The following RAB38 variants were observed in gnomAD, a reference collection of about 807,000 sequenced individuals.
RAB38 encodes the protein RAB38, member RAS oncogene family.
In RAB38, 15 loss-of-function variants were observed where a neutral mutation model predicts 18.4. The ratio of observed to expected loss-of-function variants is 0.82; its 90% CI spans 0.55 to 1.26. The LOEUF is 1.26. RAB38 is among the 50% of genes most tolerant of loss of function. RAB38 has a pLI of 0.00. For missense variants in RAB38, 294 were observed against 267.4 expected, an observed-to-expected ratio of 1.10 and a Z score of -0.69; for synonymous variants, 101 against 104.4, an observed-to-expected ratio of 0.97 and a Z score of 0.20.
chr11:87,874,588 T>A, the RAB38 span, among the ~76,000 whole-genome samples: 11 of 151,200 alleles, frequency 7.3e-5, no homozygotes, highest in Non-Finnish European at 1.2e-4. Flanking sequence ...ACATGGCATA[T>A]GTATACATAT....
the RAB38 span, among the ~76,000 whole-genome samples, chr11:87,930,591 T>C: frequency 6.6e-6 from 1 of 152,210 alleles, no homozygotes; most frequent in South Asian, 2.1e-4. Context: ...TTGTCAATTT[T>C]GGCTTTTGTT....
the RAB38 span, among the ~76,000 whole-genome samples, chr11:88,100,972 A>T: frequency 6.6e-6 from 1 of 151,992 alleles, no homozygotes; most frequent in African/African-American, 2.4e-5. Flanking sequence ...GAATAAAAGG[A>T]GGAAAGAGGA....
At chr11:87,936,379 C>T in the RAB38 span, among the ~76,000 whole-genome samples, 2 of 152,116 alleles carry the variant, frequency 1.3e-5, no homozygotes, top group Non-Finnish European at 2.9e-5. Flanking sequence ...CCAATTGTTC[C>T]AACATCATTT....
the RAB38 span, among the ~76,000 whole-genome samples, chr11:88,032,407 G>A: frequency 1.3e-5 from 2 of 152,154 alleles, no homozygotes; most frequent in African/African-American, 4.8e-5. Flanking sequence ...AAGAGCTTCT[G>A]CACAGCAAAA....
the RAB38 span, among the ~76,000 whole-genome samples, chr11:87,958,858 G>C: frequency 6.6e-6 from 1 of 152,060 alleles, no homozygotes; most frequent in Non-Finnish European, 1.5e-5. Flanking sequence ...TTTCTAAGAA[G>C]GCTGCTTATT....
the RAB38 span, among the ~76,000 whole-genome samples, chr11:88,055,795 A>G: frequency 6.6e-6 from 1 of 152,230 alleles, no homozygotes; most frequent in Admixed American, 6.5e-5. Context: ...AATCTTCAGC[A>G]TGAGAAATTT....
the RAB38 span, among the ~76,000 whole-genome samples, chr11:88,083,291 CATA>C: frequency 4.6e-5 from 7 of 151,814 alleles, no homozygotes; most frequent in Non-Finnish European, 1.5e-5. Context: ...ATATTACATA[CATA>C]ATAATATGTG....
chr11:87,955,867 CAGT>C, the RAB38 span, among the ~76,000 whole-genome samples: 1 of 82,130 alleles, frequency 1.2e-5, no homozygotes, highest in South Asian at 5.6e-4. Context: ...GGGTAGCAAA[CAGT>C]ATGCACACAC....
chr11:87,849,363 T>C, the RAB38 span, among the ~76,000 whole-genome samples: 2 of 152,174 alleles, frequency 1.3e-5, no homozygotes, highest in Non-Finnish European at 2.9e-5. Context: ...CTATGAGTTA[T>C]GTGGTCGCCA....
the RAB38 span, among the ~76,000 whole-genome samples, chr11:88,027,156 T>C: frequency 6.6e-6 from 1 of 152,196 alleles, no homozygotes. Flanking sequence ...TTTCTAGTTT[T>C]CTGAGTTTTT....
intron 1 of RAB38, among the ~76,000 whole-genome samples, chr11:88,152,845 G>T (rs968939697): frequency 1.1e-4 from 16 of 152,204 alleles, no homozygotes; most frequent in Admixed American, 9.2e-4. Context: ...TGTGGCTAAA[G>T]CTCTATACTT....
chr11:88,132,179 G>A (rs1357431869), intron 2 of RAB38, among the ~76,000 whole-genome samples: 1 of 152,150 alleles, frequency 6.6e-6, no homozygotes, highest in Non-Finnish European at 1.5e-5. Context: ...ATAAATGTGT[G>A]TTATTCTAAG....
At chr11:88,109,216 T>C (rs957794020), downstream of RAB38, among the ~76,000 whole-genome samples, 1 of 151,990 alleles carries the variant, frequency 6.6e-6, no homozygotes, top group Admixed American at 6.6e-5. Flanking sequence ...AGGAAAAACA[T>C]TACACATCTA....
the RAB38 span, among the ~76,000 whole-genome samples, chr11:87,895,770 C>CA: frequency 7.9e-5 from 12 of 151,496 alleles, no homozygotes; most frequent in East Asian, 2.0e-4. Flanking sequence ...CACTGAGCCA[C>CA]AAAAAATGAG....
chr11:88,082,547 G>T, the RAB38 span, among the ~76,000 whole-genome samples: 1 of 151,566 alleles, frequency 6.6e-6, no homozygotes, highest in Admixed American at 6.6e-5. Context: ...TGCATCTCCC[G>T]CAATCTATCC....
the RAB38 span, among the ~76,000 whole-genome samples, chr11:87,960,789 T>C: frequency 3.9e-5 from 6 of 152,278 alleles, no homozygotes; most frequent in African/African-American, 1.4e-4. Context: ...TGTGCTAAAA[T>C]CTAACCTCCT....
At chr11:87,970,677 C>T in the RAB38 span, among the ~76,000 whole-genome samples, 1 of 151,956 alleles carries the variant, frequency 6.6e-6, no homozygotes, top group Non-Finnish European at 1.5e-5. Flanking sequence ...TGACATTCTC[C>T]AGGTAGTTGG....
chr11:87,873,922 G>GTTTGTATATATATATATATATA, the RAB38 span, among the ~76,000 whole-genome samples: 1 of 103,122 alleles, frequency 9.7e-6, no homozygotes, highest in African/African-American at 3.8e-5. Context: ...GTGTGTGTGT[G>GTTTGTATATATATATATATATA]TATATATATA....
the RAB38 span, among the ~76,000 whole-genome samples, chr11:88,014,011 A>C: frequency 6.6e-6 from 1 of 152,098 alleles, no homozygotes. Context: ...AGTAGCTATT[A>C]TTGTTATGGT....
Sources: allele counts gnomAD v4.1 joint callset (sites outside exome capture counted in the v4.1 genomes callset), GRCh38; gene constraint gnomAD v4.1.1; transcripts MANE v1.5; gene names NCBI Gene and HGNC (gene_info 2026-07-23, HGNC 2026-07-21).